Variants in GPR39 observed in about 807,000 individuals in gnomAD.
GPR39 encodes the protein G protein-coupled receptor 39.
In GPR39, 23 loss-of-function variants were observed where a neutral mutation model predicts 18.4. The observed-to-expected ratio is 1.25, with a 90% CI of 0.90 to 1.77. GPR39 has a LOEUF of 1.77. Among genes scored for constraint, GPR39 ranks in the 40% most tolerant of loss-of-function variants. The probability of loss-of-function intolerance (pLI) is 0.00; values close to 1 mark genes in which losing one functional copy is unlikely to be tolerated. For missense variants in GPR39, 647 were observed against 602.4 expected, an observed-to-expected ratio of 1.07 and a Z score of -0.78; for synonymous variants, 280 against 257.9, an observed-to-expected ratio of 1.09 and a Z score of -0.82.
intron 1 of GPR39, among the ~76,000 whole-genome samples, chr2:132,594,151 A>AC (rs752641995): frequency 2.0e-5 from 3 of 151,996 alleles, no homozygotes; most frequent in Non-Finnish European, 4.4e-5. Flanking sequence ...TCACTGGGGG[A>AC]CCCGTCATAC....
chr2:132,436,549 G>A (rs1324506073), intron 1 of GPR39, among the ~76,000 whole-genome samples: 2 of 152,154 alleles, frequency 1.3e-5, no homozygotes, highest in Non-Finnish European at 2.9e-5. Flanking sequence ...ACGTTAAAAT[G>A]ACATTTGGAA....
intron 1 of GPR39, among the ~76,000 whole-genome samples, chr2:132,589,765 C>T (rs1051442355): frequency 1.3e-5 from 2 of 152,194 alleles, no homozygotes; most frequent in Non-Finnish European, 2.9e-5. Flanking sequence ...CTGCCAGAGC[C>T]ATAAAGATTA....
chr2:132,563,899 C>T (rs1057280442), intron 1 of GPR39, among the ~76,000 whole-genome samples: 1 of 152,148 alleles, frequency 6.6e-6, no homozygotes, highest in Non-Finnish European at 1.5e-5. Context: ...CCTGGGTCCC[C>T]CCACCCCAAC....
At chr2:132,580,909 C>G (rs1373879010) in intron 1 of GPR39, among the ~76,000 whole-genome samples, 3 of 140,486 alleles carry the variant, frequency 2.1e-5, no homozygotes, top group Non-Finnish European at 4.5e-5. Context: ...TTGCAGTGAG[C>G]AGAGATCATG....
intron 1 of GPR39, among the ~76,000 whole-genome samples, chr2:132,576,833 C>T (rs938720029): frequency 3.3e-5 from 5 of 152,044 alleles, no homozygotes; most frequent in African/African-American, 4.8e-5. Flanking sequence ...TTTTGGCCTC[C>T]GATGTCCAGT....
intron 1 of GPR39, among the ~76,000 whole-genome samples, chr2:132,559,777 A>G (rs16835715): frequency 0.25 from 38,140 of 151,806 alleles, 6,126 homozygotes; most frequent in East Asian, 0.77. Context: ...CAAGGGTAAC[A>G]TGTGTTCCAA....
chr2:132,596,492 C>T (rs917457410), intron 1 of GPR39, among the ~76,000 whole-genome samples: 15 of 152,110 alleles, frequency 9.9e-5, no homozygotes, highest in Non-Finnish European at 1.5e-5. Flanking sequence ...TTCGTCCCTT[C>T]CCCCAGCCAC....
intron 1 of GPR39, among the ~76,000 whole-genome samples, chr2:132,595,301 CT>C (rs936521845): frequency 6.6e-6 from 1 of 152,070 alleles, no homozygotes; most frequent in South Asian, 2.1e-4. Flanking sequence ...CGTGCCTGGC[CT>C]TTTTTTCAGA....
At chr2:132,459,501 TGTA>T (rs1680794182) in intron 1 of GPR39, among the ~76,000 whole-genome samples, 1 of 152,168 alleles carries the variant, frequency 6.6e-6, no homozygotes, top group Non-Finnish European at 1.5e-5. Flanking sequence ...CCACACTGGG[TGTA>T]GCTTCTACTG....
intron 1 of GPR39, among the ~76,000 whole-genome samples, chr2:132,437,186 G>T (rs141232361): frequency 6.6e-6 from 1 of 152,096 alleles, no homozygotes; most frequent in Non-Finnish European, 1.5e-5. Flanking sequence ...GCACACACCC[G>T]CACAGGCAGA....
At chr2:132,521,826 A>T (rs542033703) in intron 1 of GPR39, among the ~76,000 whole-genome samples, 8 of 152,102 alleles carry the variant, frequency 5.3e-5, no homozygotes, top group Non-Finnish European at 8.8e-5. Flanking sequence ...TCCATTTTTA[A>T]TGTACTGTGT....
chr2:132,585,394 TC>T (rs1680706351), intron 1 of GPR39, among the ~76,000 whole-genome samples: 1 of 152,136 alleles, frequency 6.6e-6, no homozygotes, highest in Admixed American at 6.5e-5. Context: ...CCTCTGCCAG[TC>T]CCAGTCCTTG....
At chr2:132,602,020 T>G (rs1335142092) in intron 1 of GPR39, among the ~76,000 whole-genome samples, 1 of 139,248 alleles carries the variant, frequency 7.2e-6, no homozygotes, top group Non-Finnish European at 1.6e-5. Flanking sequence ...AATGACATTC[T>G]TCACAGAAAT....
intron 1 of GPR39, among the ~76,000 whole-genome samples, chr2:132,505,977 A>C (rs1013066817): frequency 2.0e-5 from 3 of 152,212 alleles, no homozygotes; most frequent in African/African-American, 7.2e-5. Context: ...AAATCTCCAT[A>C]CTGTATTCTA....
At chr2:132,591,848 A>T (rs1680851940) in intron 1 of GPR39, among the ~76,000 whole-genome samples, 1 of 152,236 alleles carries the variant, frequency 6.6e-6, no homozygotes, top group Non-Finnish European at 1.5e-5. Flanking sequence ...CTTTCGTGTG[A>T]ACATGGCTTT....
At chr2:132,449,213 C>CT (rs1680590170) in intron 1 of GPR39, among the ~76,000 whole-genome samples, 2 of 146,152 alleles carry the variant, frequency 1.4e-5, no homozygotes, top group African/African-American at 5.1e-5. Context: ...GCTTTCTTTT[C>CT]TTTTTCCTTT....
intron 1 of GPR39, among the ~76,000 whole-genome samples, chr2:132,437,873 A>G (rs535763918): frequency 4.4e-4 from 67 of 152,194 alleles, no homozygotes; most frequent in South Asian, 1.7e-3. Flanking sequence ...TAGTAATGTG[A>G]CCTCGGGCAA....
chr2:132,458,458 T>TTGTG (rs57137481), intron 1 of GPR39, among the ~76,000 whole-genome samples: 5,721 of 132,116 alleles, frequency 0.043, 173 homozygotes, highest in East Asian at 0.057. Context: ...CTCGGTGTGT[T>TTGTG]TGTGTGTGTG....
intron 1 of GPR39, among the ~76,000 whole-genome samples, chr2:132,462,060 T>G (rs1191793152): frequency 6.6e-6 from 1 of 152,232 alleles, no homozygotes; most frequent in Admixed American, 6.5e-5. Flanking sequence ...ACTGTTTTAA[T>G]CACCTCTTAT....
Sources: gnomAD v4.1 joint callset for allele counts (sites outside exome capture counted in the v4.1 genomes callset) on GRCh38, gnomAD v4.1.1 for gene constraint, MANE v1.5 for transcripts, NCBI Gene and HGNC (gene_info 2026-07-23, HGNC 2026-07-21) for gene names.